TRIP11: variants seen among roughly 807,000 people sequenced by gnomAD.
TRIP11 encodes thyroid receptor-interacting protein 11.
TRIP11 carries 148 observed loss-of-function variants against 223.1 expected under a neutral mutation model. The ratio of observed to expected loss-of-function variants is 0.66; its 90% CI spans 0.58 to 0.76. The LOEUF (loss-of-function observed/expected upper bound fraction) is 0.76. Ranked by LOEUF, TRIP11 falls within the 30% of genes least tolerant of loss-of-function variation. TRIP11 has a pLI of 0.00. For synonymous variants in TRIP11, 762 were observed against 772.6 expected (o/e 0.99, Z 0.23); for missense variants, 2,043 against 2,222.0 (o/e 0.92, Z 1.62).
intron 3 of TRIP11, 27 bp downstream of exon 3, chr14:92,025,283 A>C (rs746557887): frequency 1.3e-6 from 2 of 1,493,988 alleles, no homozygotes; most frequent in Admixed American, 3.3e-5. Context: ...AGTGAAGTAC[A>C]TATGAAGTAA....
chr14:92,001,557 C>T (rs547218843), intron 11 of TRIP11, among the ~76,000 whole-genome samples: 11 of 152,180 alleles, frequency 7.2e-5, no homozygotes, highest in Admixed American at 1.3e-4. Context: ...TTAGTTTACA[C>T]TAATTACCCT....
chr14:91,974,530 T>A (rs2056439129), intron 19 of TRIP11, 97 bp downstream of exon 19: 2 of 1,029,954 alleles, frequency 1.9e-6, no homozygotes, highest in Non-Finnish European at 3.0e-6. Flanking sequence ...AAGGGTTGTA[T>A]AAAATAATTT....
Position 92,003,822 on chromosome 14 carries a change from C to A in TRIP11, c.4154G>T (p.Arg1385Ile). 1 of 1,614,064 alleles carries A rather than the reference C, an allele frequency of 6.2e-7. No homozygotes were observed. Among genetic ancestry groups the A allele is most frequent in the Non-Finnish European group, 8.5e-7 (1 of 1,180,014 alleles). ...DSIAATSELERKEHEQTDSEI... is the reference protein window; with the variant it reads ...DSIAATSELEIKEHEQTDSEI... ...TGAATCGGTTTGTTCGTGTTCTTTT[C>A]TTTCTAGCTCTGAGGTGGCAGCAAT... The change falls in exon 11 of 21, where the codon AGA (arginine) becomes ATA (isoleucine). Residue 1385 changes from arginine to isoleucine, a missense_variant. By Grantham distance (97) the Arg-to-Ile change is moderately conservative. Transcript: ENST00000267622.
intron 2 of TRIP11, among the ~76,000 whole-genome samples, chr14:92,027,533 A>G (rs2057205573): frequency 1.3e-5 from 2 of 152,158 alleles, no homozygotes; most frequent in Admixed American, 1.3e-4. Flanking sequence ...TCCAACAATA[A>G]ACAGGAATTT....
At chr14:92,028,372 C>T (rs1426952593) in intron 2 of TRIP11, among the ~76,000 whole-genome samples, 2 of 151,918 alleles carry the variant, frequency 1.3e-5, no homozygotes, top group African/African-American at 4.8e-5. Flanking sequence ...CCAGCCTGGG[C>T]AACATAAGGA....
Position 92,004,097 on chromosome 14 carries a change from G to A in TRIP11, c.3879C>T (p.His1293=), listed in dbSNP as rs552384253. ...TGGTATTGCAAAGCTGCCCAATGCTGTGCTGAACTTGTGCTAATTCCTGCC... is the reference window on the plus strand; with the variant it reads ...TGGTATTGCAAAGCTGCCCAATGCTATGCTGAACTTGTGCTAATTCCTGCC... The part of the protein sequence containing the change: ...NFGQELAQVQ[H]SIGQLCNTKD... The change falls in exon 11 of 21, where the codon CAC becomes CAT. Residue 1293 remains histidine (H), a synonymous_variant. Transcript: ENST00000267622. The A allele has an allele frequency of 1.6e-4, 258 of 1,614,168 alleles. 10 individuals are homozygous for A. In the South Asian group the frequency reaches 2.8e-3, roughly 18 times the overall value.
intron 15 of TRIP11, among the ~76,000 whole-genome samples, chr14:91,991,625 A>G (rs1285200619): frequency 1.3e-5 from 2 of 152,206 alleles, no homozygotes; most frequent in African/African-American, 4.8e-5. Flanking sequence ...CATCTAAAAA[A>G]ACTCTTGTAT....
chr14:92,014,491 A>C lies in TRIP11; in HGVS notation c.910T>G (p.Ser304Ala). ...IQVLQIEKVE[S>A]TKKMEQLEDK... Reference sequence around the variant, plus strand: ...TCAAGTTGTTCCATTTTTTTGGTAGACTCCACTTTTTCTATTTGTAGAACT... The same window carrying C: ...TCAAGTTGTTCCATTTTTTTGGTAGCCTCCACTTTTTCTATTTGTAGAACT... Residue 304 changes from serine to alanine, a missense_variant, in exon 7 of 21, where the codon TCT becomes GCT. Ser to Ala is a moderately conservative substitution (Grantham distance 99, BLOSUM62 1). Coordinates refer to ENST00000267622, the MANE Select transcript of TRIP11 (RefSeq NM_004239.4). 1.3e-6 allele frequency: 2 copies of C among 1,595,550 alleles called. No individual in the cohort carries two copies. The highest frequency in any genetic ancestry group is 1.7e-6 in the Non-Finnish European group (2 of 1,174,948).
intron 13 of TRIP11, among the ~76,000 whole-genome samples, chr14:91,998,999 C>A (rs1402863815): frequency 6.6e-6 from 1 of 152,120 alleles, no homozygotes; most frequent in Non-Finnish European, 1.5e-5. Context: ...GGGTGATGGT[C>A]AAAACACAGA....
chr14:91,984,405 T>A (rs2056580892), intron 16 of TRIP11, among the ~76,000 whole-genome samples: 1 of 147,048 alleles, frequency 6.8e-6, no homozygotes, highest in South Asian at 2.2e-4. Context: ...AACCTCCACC[T>A]CCCAGGTTCA....
At chr14:91,975,598 C>A (rs2056454051) in intron 17 of TRIP11, among the ~76,000 whole-genome samples, 1 of 152,072 alleles carries the variant, frequency 6.6e-6, no homozygotes, top group Non-Finnish European at 1.5e-5. Flanking sequence ...CCTGACTGGG[C>A]TAATGTTCAC....
At chr14:92,028,441 T>C (rs1047969510) in intron 2 of TRIP11, among the ~76,000 whole-genome samples, 3 of 152,080 alleles carry the variant, frequency 2.0e-5, no homozygotes, top group African/African-American at 7.2e-5. Context: ...TAGTCCCAGC[T>C]ACTCAGGAGG....
chr14:92,029,684 A>G (rs1044944871), intron 2 of TRIP11, among the ~76,000 whole-genome samples: 7 of 152,008 alleles, frequency 4.6e-5, no homozygotes, highest in African/African-American at 1.7e-4. Context: ...TTTCTCTTTC[A>G]TCGAACACAG....
At chr14:92,018,489 G>T (rs999981328) in intron 4 of TRIP11, among the ~76,000 whole-genome samples, 3 of 151,728 alleles carry the variant, frequency 2.0e-5, no homozygotes, top group Non-Finnish European at 4.4e-5. Context: ...ATTCAAAGCT[G>T]TATGTTGTTC....
At chr14:91,994,766 T>C (rs1455120722) in intron 14 of TRIP11, among the ~76,000 whole-genome samples, 4 of 152,204 alleles carry the variant, frequency 2.6e-5, no homozygotes, top group Admixed American at 1.3e-4. Flanking sequence ...AATGTAAGGA[T>C]AGGAGGTAGA....
Position 92,007,783 on chromosome 14 carries a change from C to A in TRIP11, c.1384G>T (p.Asp462Tyr), listed in dbSNP as rs188562231. The A allele has an allele frequency of 2.7e-4, 441 of 1,613,578 alleles. 1 individual carries two copies. The highest frequency in any genetic ancestry group is 2.9e-5 in the Non-Finnish European group (34 of 1,179,906). The change falls in exon 10 of 21, where the codon GAC (aspartate) becomes TAC (tyrosine). Residue 462 changes from aspartate to tyrosine, a missense_variant. Physicochemically the swap from Asp to Tyr is radical, Grantham distance 160. Transcript: ENST00000267622. ...TGTAATTCTGAATCCAAACTTATGT[C>A]TCTTGTAGCTGTACTTTTAATTACT... is the stretch of plus-strand genomic sequence containing the variant. Reference protein sequence around the residue: ...YEVIKSTATRDISLDSELHDL... With the variant: ...YEVIKSTATRYISLDSELHDL...
rs1449221683 is a variant in TRIP11, at chr14:92,005,939, A to C, written c.2037T>G (p.Asn679Lys). 10 of 1,613,286 alleles carry C rather than the reference A, an allele frequency of 6.2e-6. No individual in the cohort carries two copies. The highest frequency in any genetic ancestry group is 7.6e-6 in the Non-Finnish European group (9 of 1,179,906). The change falls in exon 11 of 21, where the codon AAT (asparagine) becomes AAG (lysine). Residue 679 changes from asparagine (N) to lysine (K), a missense_variant. By Grantham distance (94) the Asn-to-Lys change is moderately conservative. Transcript: ENST00000267622. The stretch of plus-strand genomic sequence containing the variant: ...CTTCACATGCTAAAACTAACTTTTC[A>C]TTTTCCATTTTGACATCAAAAGCAA... ...KKVAFDVKME[N>K]EKLVLACEDV...
chr14:92,036,124 A>G (rs1267167071), intron 1 of TRIP11, among the ~76,000 whole-genome samples: 1 of 152,144 alleles, frequency 6.6e-6, no homozygotes, highest in African/African-American at 2.4e-5. Flanking sequence ...TTTAATTGCT[A>G]CTCTGAAGAG....
intron 2 of TRIP11, among the ~76,000 whole-genome samples, chr14:92,030,053 C>T (rs1036395784): frequency 4.4e-4 from 66 of 151,550 alleles, no homozygotes; most frequent in African/African-American, 1.4e-3. Flanking sequence ...AAATATTAGC[C>T]GGGCGTAGTG....
Sources: allele counts gnomAD v4.1 joint callset (sites outside exome capture counted in the v4.1 genomes callset), GRCh38; gene constraint gnomAD v4.1.1; transcripts MANE v1.5; gene names NCBI Gene and HGNC (gene_info 2026-07-23, HGNC 2026-07-21).